The following ERC1 variants were observed in gnomAD, a reference collection of about 807,000 sequenced individuals.
The protein encoded by ERC1 is ELKS/RAB6-interacting/CAST family member 1, also known as RAB6 interacting protein 2.
In ERC1, 56 loss-of-function variants were observed where a neutral mutation model predicts 132.0. The observed-to-expected ratio is 0.42, with a 90% confidence interval of 0.34 to 0.53. The LOEUF is 0.53. Ranked by LOEUF, ERC1 falls within the 20% of genes least tolerant of loss-of-function variation. The pLI is 0.03. For synonymous variants in ERC1, 478 were observed against 476.1 expected, an observed-to-expected ratio of 1.00 and a Z score of -0.05; for missense variants, 1,202 against 1,349.9, an observed-to-expected ratio of 0.89 and a Z score of 1.72.
rs148728863 is a variant in ERC1, at chr12:1,265,616, C to T, written c.2619+2451C>T. ...ATAGTTGAGGGTTCACTTTTCGTGA[C>T]GCACAGTCCCGTGAGTTTTGCCAAA... On this transcript the variant is annotated intron_variant, in intron 14 of 18. Transcript: ENST00000360905. Among the ~76,000 whole-genome samples, 50 of 152,256 alleles carry T rather than the reference C, an allele frequency of 3.3e-4. No homozygotes were observed. In the East Asian group the frequency reaches 8.3e-3, roughly 25 times the overall value.
chr12:1,097,427 T>C (rs1944174690), intron 3 of ERC1, among the ~76,000 whole-genome samples: 1 of 152,204 alleles, frequency 6.6e-6, no homozygotes, highest in South Asian at 2.1e-4. Context: ...CTACATCAGC[T>C]CTACTCCTAA....
chr12:1,201,600 A>G (rs1381611119), intron 12 of ERC1, among the ~76,000 whole-genome samples: 1 of 152,156 alleles, frequency 6.6e-6, no homozygotes, highest in African/African-American at 2.4e-5. Context: ...TTATGATATT[A>G]CTTTATGTTA....
rs10661786 is a variant in ERC1, at chr12:999,609, A to ATTTTTT, written c.-157+8303_-157+8308dup. On this transcript the variant is annotated intron_variant, in intron 1 of 18. Transcript: ENST00000360905. ...CAAGCATTGAACCTGGTGCTAGGTG[A>ATTTTTT]TTTTTTTTTTTTTTTTTTTTTGAGA... is the stretch of plus-strand genomic sequence containing the variant. Among the ~76,000 whole-genome samples the ATTTTTT allele has an allele frequency of 1.1e-4, 11 of 102,930 alleles. 1 individual carries two copies. The highest frequency in any genetic ancestry group is 1.6e-4 in the African/African-American group (4 of 24,976). The allele number at this position is 102,930 out of a possible 152,430, so 67.5% of individuals were successfully genotyped here.
At chr12:1,248,777 A>G (rs1045623765) in intron 13 of ERC1, among the ~76,000 whole-genome samples, 11 of 152,198 alleles carry the variant, frequency 7.2e-5, no homozygotes, top group African/African-American at 9.7e-5. Flanking sequence ...GCAGTTTTCT[A>G]TGCTAGAAAC....
chr12:994,518 T>C (rs1454203625), intron 1 of ERC1, among the ~76,000 whole-genome samples: 3 of 152,218 alleles, frequency 2.0e-5, no homozygotes, highest in Admixed American at 2.0e-4. Context: ...AATTTCTTCA[T>C]CTGCAAAATA....
chr12:1,024,837 A>C (rs1378470875), intron 1 of ERC1, among the ~76,000 whole-genome samples: 3 of 150,388 alleles, frequency 2.0e-5, no homozygotes, highest in African/African-American at 7.4e-5. Flanking sequence ...TTGAAAAAAA[A>C]AGTGGAAAAA....
At chr12:1,241,983 C>G (rs111483175) in intron 13 of ERC1, among the ~76,000 whole-genome samples, 1 of 150,822 alleles carries the variant, frequency 6.6e-6, no homozygotes, top group Non-Finnish European at 1.5e-5. Flanking sequence ...CTCAGCCTCC[C>G]GAGAAGCTGG....
chr12:1,040,535 T>A (rs1215093524), intron 2 of ERC1, among the ~76,000 whole-genome samples: 1 of 152,100 alleles, frequency 6.6e-6, no homozygotes. Flanking sequence ...CTCCATCTCC[T>A]GACCTCGTGA....
chr12:1,224,489 A>G (rs1038559301), intron 12 of ERC1, among the ~76,000 whole-genome samples: 5 of 152,204 alleles, frequency 3.3e-5, no homozygotes, highest in Non-Finnish European at 7.3e-5. Flanking sequence ...AAGAAAATCA[A>G]AGACCAAAAA....
At chr12:1,321,163 C>G (rs779031342) in intron 15 of ERC1, among the ~76,000 whole-genome samples, 1 of 152,220 alleles carries the variant, frequency 6.6e-6, no homozygotes, top group Non-Finnish European at 1.5e-5. Context: ...TAAGGGTACA[C>G]TGTGACTTAG....
At chr12:1,486,711 CACCGCACCCGGCTGTGAA>C (rs1273990569) in intron 18 of ERC1, among the ~76,000 whole-genome samples, 1 of 152,082 alleles carries the variant, frequency 6.6e-6, no homozygotes, top group Non-Finnish European at 1.5e-5. Flanking sequence ...AGGCGTGAGC[CACCGCACCCGGCTGTGAA>C]ATCACTCCCG....
Position 1,152,985 on chromosome 12 carries a change from G to A in ERC1, c.1737+11198G>A, listed in dbSNP as rs532241852. On this transcript the variant is annotated intron_variant, in intron 8 of 18. Coordinates refer to ENST00000360905, the MANE Select transcript of ERC1 (RefSeq NM_178040.4). Reference sequence around the variant, plus strand: ...GGAAGTTCCCAGCTCCTAAGCCTCCGGTATTTTTGTAGTATCGAGGGATCC... The same window carrying A: ...GGAAGTTCCCAGCTCCTAAGCCTCCAGTATTTTTGTAGTATCGAGGGATCC... 5.8e-4 allele frequency: 88 copies of A among 152,412 alleles called. 1 individual carries two copies. The highest frequency in any genetic ancestry group is 2.0e-3 in the African/African-American group (84 of 41,566). 9.4% of individuals were successfully genotyped at this position (152,412 alleles called of 1,614,324 possible). A position where few individuals can be genotyped will look rare whatever the true frequency, so the allele number is the denominator to read the frequency against.
chr12:1,418,656 T>TTTC (rs2092278634), intron 17 of ERC1, among the ~76,000 whole-genome samples: 2 of 144,632 alleles, frequency 1.4e-5, no homozygotes, highest in African/African-American at 5.3e-5. Flanking sequence ...TCTCTCTCTC[T>TTTC]CTCTCTTTCT....
chr12:1,292,313 G>A (rs909153349), intron 15 of ERC1, among the ~76,000 whole-genome samples: 1 of 152,162 alleles, frequency 6.6e-6, no homozygotes, highest in Non-Finnish European at 1.5e-5. Context: ...TCAATAGGTA[G>A]CCTCCTATAT....
At chr12:1,303,878 C>T (rs1171703161) in intron 15 of ERC1, among the ~76,000 whole-genome samples, 1 of 147,854 alleles carries the variant, frequency 6.8e-6, no homozygotes, top group African/African-American at 2.5e-5. Context: ...TGCTGGAACC[C>T]GGGGGCAGAG....
chr12:1,352,877 C>T (rs1430399044), intron 15 of ERC1, among the ~76,000 whole-genome samples: 2 of 152,084 alleles, frequency 1.3e-5, no homozygotes, highest in African/African-American at 4.8e-5. Flanking sequence ...TGTATTTACT[C>T]TAGAATAGGA....
chr12:1,136,089 C>G (rs1949223833), intron 7 of ERC1, among the ~76,000 whole-genome samples: 1 of 152,190 alleles, frequency 6.6e-6, no homozygotes, highest in Non-Finnish European at 1.5e-5. Flanking sequence ...CATCAGAAAC[C>G]TGGGAACCCA....
At chr12:1,423,217 A>T (rs996777545) in intron 17 of ERC1, among the ~76,000 whole-genome samples, 1 of 152,202 alleles carries the variant, frequency 6.6e-6, no homozygotes, top group African/African-American at 2.4e-5. Context: ...TCCAAAAAAC[A>T]TTACTGCCCC....
At chr12:992,133 G>A (rs1019010997) in intron 1 of ERC1, among the ~76,000 whole-genome samples, 1 of 152,104 alleles carries the variant, frequency 6.6e-6, no homozygotes, top group East Asian at 1.9e-4. Flanking sequence ...GTCGCATTAC[G>A]CTTAGCTCCT....
Sources: gnomAD v4.1 joint callset for allele counts (sites outside exome capture counted in the v4.1 genomes callset) on GRCh38, gnomAD v4.1.1 for gene constraint, MANE v1.5 for transcripts, NCBI Gene and HGNC (gene_info 2026-07-23, HGNC 2026-07-21) for gene names.